Variants in DOCK1 observed in about 807,000 individuals in gnomAD.
The protein encoded by DOCK1 is dedicator of cytokinesis protein 1.
In DOCK1, 138 loss-of-function variants were observed where a neutral mutation model predicts 262.7. The ratio of observed to expected loss-of-function variants is 0.53; its 90% CI spans 0.46 to 0.61. DOCK1 has a LOEUF of 0.61. Among genes scored for constraint, DOCK1 ranks in the 20% least tolerant of loss-of-function variants. The pLI is 0.00. For missense variants in DOCK1, 1,908 were observed against 2,370.7 expected (o/e 0.80, Z 4.05); for synonymous variants, 866 against 867.4 (o/e 1.00, Z 0.03).
intron 1 of DOCK1, among the ~76,000 whole-genome samples, chr10:126,967,754 T>C (rs2037781952): frequency 6.6e-6 from 1 of 152,170 alleles, no homozygotes; most frequent in African/African-American, 2.4e-5. Flanking sequence ...TAAGGACCTT[T>C]GTGATTACAT....
At chr10:127,425,276 G>A (rs537900717) in intron 46 of DOCK1, among the ~76,000 whole-genome samples, 83 of 152,264 alleles carry the variant, frequency 5.5e-4, no homozygotes, top group Non-Finnish European at 9.9e-4. Context: ...CTGCAGCTGG[G>A]AGAATGAAAA....
chr10:127,334,099 G>A (rs561523054), intron 29 of DOCK1, among the ~76,000 whole-genome samples: 1 of 152,188 alleles, frequency 6.6e-6, no homozygotes, highest in African/African-American at 2.4e-5. Flanking sequence ...TGCAGTCGAT[G>A]TTGTGATACA....
intron 29 of DOCK1, among the ~76,000 whole-genome samples, chr10:127,331,049 G>A (rs1303265887): frequency 2.0e-5 from 3 of 151,848 alleles, no homozygotes; most frequent in Admixed American, 6.6e-5. Context: ...AAGCTGTCAC[G>A]TGGAAACTGC....
chr10:127,093,654 C>T (rs1371165581), intron 23 of DOCK1, among the ~76,000 whole-genome samples: 1 of 151,716 alleles, frequency 6.6e-6, no homozygotes, highest in Non-Finnish European at 1.5e-5. Flanking sequence ...GCACCCATGG[C>T]CTTTTTTTTT....
intron 27 of DOCK1, among the ~76,000 whole-genome samples, chr10:127,246,630 C>T (rs1265523732): frequency 6.6e-6 from 1 of 152,148 alleles, no homozygotes; most frequent in East Asian, 1.9e-4. Flanking sequence ...TATTTCTGGG[C>T]AAATGGAAGA....
chr10:127,061,109 T>G (rs1385818119), intron 22 of DOCK1, among the ~76,000 whole-genome samples: 3 of 152,094 alleles, frequency 2.0e-5, no homozygotes, highest in Non-Finnish European at 2.9e-5. Flanking sequence ...CCACCTGTAA[T>G]CCCACCTACT....
chr10:127,008,461 A>G (rs998684230), intron 10 of DOCK1, among the ~76,000 whole-genome samples: 1 of 152,198 alleles, frequency 6.6e-6, no homozygotes, highest in African/African-American at 2.4e-5. Flanking sequence ...AGAAAGTTCT[A>G]TTGGACAGGG....
intron 1 of DOCK1, among the ~76,000 whole-genome samples, chr10:126,947,253 G>T (rs947387329): frequency 6.6e-6 from 1 of 152,314 alleles, no homozygotes; most frequent in Admixed American, 6.5e-5. Flanking sequence ...GATGATGGTG[G>T]TGGTTGGTAG....
At chr10:127,202,697 A>G (rs895425751) in intron 27 of DOCK1, among the ~76,000 whole-genome samples, 4 of 152,210 alleles carry the variant, frequency 2.6e-5, no homozygotes, top group Admixed American at 6.5e-5. Context: ...GTGCGCCTCC[A>G]GGGTGGCAGG....
At chr10:126,963,626 TTCCCTTCCCTTCCC>T (rs2037419601) in intron 1 of DOCK1, among the ~76,000 whole-genome samples, 612 of 54,844 alleles carry the variant, frequency 0.011, 3 homozygotes, top group African/African-American at 0.065. Context: ...TTCCCTTCCC[TTCCCTTCCCTTCCC>T]TCCTTCCTTC....
chr10:127,007,783 T>G (rs1018347854), intron 10 of DOCK1, among the ~76,000 whole-genome samples: 1 of 152,208 alleles, frequency 6.6e-6, no homozygotes, highest in Non-Finnish European at 1.5e-5. Context: ...TTGGAGACTT[T>G]CTCGCTGTAG....
chr10:127,026,453 A>T, intron 16 of DOCK1, 29 bp downstream of exon 16: 1 of 1,557,846 alleles, frequency 6.4e-7, no homozygotes, highest in African/African-American at 1.4e-5. Context: ...TCTTCCCCCA[A>T]GTATTTTTAA....
intron 27 of DOCK1, among the ~76,000 whole-genome samples, chr10:127,227,231 G>A (rs1027471885): frequency 6.6e-6 from 1 of 152,108 alleles, no homozygotes; most frequent in Admixed American, 6.5e-5. Context: ...ACTTTTCATC[G>A]TGGCCCCTTT....
intron 3 of DOCK1, 28 bp from the exon 4 acceptor site, chr10:126,981,890 A>G (rs760089567): frequency 5.4e-5 from 86 of 1,601,754 alleles, no homozygotes; most frequent in Non-Finnish European, 6.5e-5. Flanking sequence ...TGATAATAAA[A>G]GCTACTGTTT....
At chr10:127,148,066 C>T (rs2052087930) in intron 27 of DOCK1, among the ~76,000 whole-genome samples, 1 of 148,934 alleles carries the variant, frequency 6.7e-6, no homozygotes, top group African/African-American at 2.5e-5. Flanking sequence ...AAAATTCCAC[C>T]TGTCCTTGAC....
chr10:127,066,564 AG>A (rs1198587397), intron 23 of DOCK1, among the ~76,000 whole-genome samples: 1 of 152,148 alleles, frequency 6.6e-6, no homozygotes, highest in African/African-American at 2.4e-5. Context: ...TGGCTCTCCA[AG>A]CCTTTTTCCC....
rs575042004 is a variant in DOCK1 at position 127,253,874 on chromosome 10, C to CAAA, written c.2950-3444_2950-3442dup. ...TGGGTGATAGCATGAGACCCTGTCT[C>CAAA]AAAAAAAAAAAAAAAAAAAGGAAAC... On this transcript the variant is annotated intron_variant, in intron 28 of 51. Coordinates refer to ENST00000623213, the MANE Select transcript of DOCK1 (RefSeq NM_001290223.2). Among the ~76,000 whole-genome samples, 115 of 101,448 alleles carry CAAA rather than the reference C, an allele frequency of 1.1e-3. 1 individual carries two copies. Among genetic ancestry groups the CAAA allele is most frequent in the Middle Eastern group, 6.3e-3 (1 of 160 alleles). The allele number at this position is 101,448 out of a possible 152,430, so 66.6% of individuals were successfully genotyped here. A position where few individuals can be genotyped will look rare whatever the true frequency, so the allele number is the denominator to read the frequency against.
chr10:126,990,741 T>C (rs1189204607), intron 6 of DOCK1, 138 bp downstream of exon 6: 15 of 1,143,316 alleles, frequency 1.3e-5, no homozygotes, highest in Non-Finnish European at 1.7e-5. Flanking sequence ...TTTTTCATTT[T>C]GAAAAGGATG....
chr10:127,277,802 G>A (rs1028294387), intron 29 of DOCK1, among the ~76,000 whole-genome samples: 4 of 152,186 alleles, frequency 2.6e-5, no homozygotes, highest in African/African-American at 7.2e-5. Context: ...CGATTTGAAC[G>A]CTTTTTAGAT....
Sources: gnomAD v4.1 joint callset for allele counts (sites outside exome capture counted in the v4.1 genomes callset) on GRCh38, gnomAD v4.1.1 for gene constraint, MANE v1.5 for transcripts, NCBI Gene and HGNC (gene_info 2026-07-23, HGNC 2026-07-21) for gene names.